TTN: variants seen among roughly 807,000 people sequenced by gnomAD.
TTN encodes connectin.
Under a neutral mutation model 3,223.0 loss-of-function variants are expected in TTN, and 1,525 were observed. The observed-to-expected ratio is 0.47, with a 90% CI of 0.45 to 0.49. The LOEUF is 0.49. Among genes scored for constraint, TTN ranks in the 20% least tolerant of loss-of-function variants. The pLI, the probability that TTN is intolerant of heterozygous loss-of-function variation, is 0.00. For missense variants in TTN, 40,786 were observed against 43,424.0 expected, an observed-to-expected ratio of 0.94 and a Z score of 5.40; for synonymous variants, 14,094 against 15,161.0, an observed-to-expected ratio of 0.93 and a Z score of 5.17.
In TTN at chr2:178,572,822, A is replaced by T; in HGVS notation, c.73310T>A (p.Val24437Asp). 1.2e-6 allele frequency: 2 copies of T among 1,613,440 alleles called. No homozygotes were observed. Among genetic ancestry groups the T allele is most frequent in the Non-Finnish European group, 1.7e-6 (2 of 1,179,584 alleles). ...EIELDADLRK[V>D]VTIRACCTLR... ...GGTGCAGCAGGCCCTTATAGTAACA[A>T]CTTTGCGCAGGTCAGCATCCAGTTC... Residue 24437 changes from valine (V) to aspartate (D), a missense_variant, in exon 326 of 363, where the codon GTT (valine) becomes GAT (aspartate). Val to Asp is a radical substitution (Grantham distance 152). Transcript: ENST00000589042.
At position 178,535,696 on chromosome 2, in the gene TTN, C is replaced by A. The variant is rs767492660; in HGVS notation, c.100919G>T (p.Gly33640Val). The part of the protein sequence containing the change: ...QKGQDLIDNN[G>V]HYQVIVTRSF... ...TCTTGTGACAATAACTTGGTAGTGGCCATTATTGTCAATGAGATCTTGTCC... is the reference window on the plus strand; with the variant it reads ...TCTTGTGACAATAACTTGGTAGTGGACATTATTGTCAATGAGATCTTGTCC... Residue 33640 changes from glycine to valine, a missense_variant, in exon 358 of 363, where the codon GGC becomes GTC. Gly to Val is a moderately radical substitution (Grantham distance 109). Coordinates refer to ENST00000589042, the MANE Select transcript of TTN (RefSeq NM_001267550.2). 1.2e-6 allele frequency: 2 copies of A among 1,613,702 alleles called. No individual in the cohort carries two copies. The highest frequency in any genetic ancestry group is 1.7e-5 in the Admixed American group (1 of 60,004).
chr2:178,633,351 ATG>A, intron 232 of TTN, 25 bp from the exon 233 acceptor site: 1 of 1,612,930 alleles, frequency 6.2e-7, no homozygotes, highest in Non-Finnish European at 8.5e-7. Flanking sequence ...TTTTGTTAGC[ATG>A]ACTGAACTAA....
chr2:178,559,060 TAC>T (rs1036788586), intron 326 of TTN: 16 of 338,800 alleles, frequency 4.7e-5, no homozygotes, highest in Middle Eastern at 8.5e-4. Context: ...TACATATATA[TAC>T]AGTTAGATTC....
chr2:178,616,578 T>G lies in TTN; in HGVS notation c.48213A>C (p.Ser16071=), dbSNP rs763351197. 1.2e-5 allele frequency: 19 copies of G among 1,612,310 alleles called. No individual in the cohort carries two copies. The East Asian group carries it at 3.4e-4, about 28-fold the overall frequency. The part of the protein sequence containing the change: ...ELKFGDITKD[S]VHLTWEPPDD... The stretch of plus-strand genomic sequence containing the variant: ...CAGGTGGTTCCCAAGTCAAATGTAC[T>G]GAGTCCTTGGTTATATCACCAAATT... The change falls in exon 257 of 363, where the codon TCA becomes TCC. Residue 16071 remains serine (S), a synonymous_variant. Transcript: ENST00000589042.
At chr2:178,737,586 C>T (rs894545842) in intron 49 of TTN, 1 of 152,620 alleles carries the variant, frequency 6.6e-6, no homozygotes, top group African/African-American at 2.4e-5. Context: ...AAGCGTGAGC[C>T]ACCGTGCCCA....
chr2:178,593,205 G>T lies in TTN; in HGVS notation c.59003C>A (p.Pro19668Gln), dbSNP rs794729465. ...NEIGIGDPSP[P>Q]SKPVFAKDPI... ...ATCTTTAGCAAAGACTGGTTTGGATGGTGGGCTTGGATCTCCAATACCAAT... is the reference window on the plus strand; with the variant it reads ...ATCTTTAGCAAAGACTGGTTTGGATTGTGGGCTTGGATCTCCAATACCAAT... Residue 19668 changes from proline to glutamine, a missense_variant, in exon 299 of 363, where the codon CCA becomes CAA. Coordinates refer to ENST00000589042, the MANE Select transcript of TTN (RefSeq NM_001267550.2). The T allele has an allele frequency of 2.5e-6, 4 of 1,613,376 alleles. No individual in the cohort carries two copies. The South Asian group carries it at 3.3e-5, about 13-fold the overall frequency.
Position 178,669,403 on chromosome 2 carries a change from T to C in TTN, c.35515A>G (p.Ile11839Val), listed in dbSNP as rs753876085. The C allele has an allele frequency of 3.3e-6, 5 of 1,521,200 alleles. No individual in the cohort carries two copies. In the Admixed American group the frequency reaches 7.0e-5, roughly 21 times the overall value. 94.2% of individuals were successfully genotyped at this position (1,521,200 alleles called of 1,614,324 possible). A position where few individuals can be genotyped will look rare whatever the true frequency, so the allele number is the denominator to read the frequency against. The change falls in exon 159 of 363, where the codon ATT (isoleucine) becomes GTT (valine). Residue 11839 changes from isoleucine (I) to valine (V), a missense_variant. Ile to Val is a conservative substitution (Grantham distance 29, BLOSUM62 3). Coordinates refer to ENST00000589042, the MANE Select transcript of TTN (RefSeq NM_001267550.2). ...ATCTCTGTGTCTTCAGAAATAACAATAGGTGATTTTTCTTCTTGAACACTT... is the reference window on the plus strand; with the variant it reads ...ATCTCTGTGTCTTCAGAAATAACAACAGGTGATTTTTCTTCTTGAACACTT... ...KKSVQEEKSP[I>V]VISEDTEMYI...
In TTN at chr2:178,756,737, G is replaced by T. The variant is rs1381660824; in HGVS notation, c.10739C>A (p.Ala3580Glu). The change falls in exon 46 of 363, where the codon GCA becomes GAA. Residue 3580 changes from alanine to glutamate, a missense_variant. Physicochemically the swap from Ala to Glu is moderately radical, Grantham distance 107 (BLOSUM62 -1). Coordinates refer to ENST00000589042, the MANE Select transcript of TTN (RefSeq NM_001267550.2). Reference sequence around the variant, plus strand: ...CTTTGTGAAAGAGGAATCTGCCACTGCCTGGGACTTGGTGGACTCTCTTAC... The same window carrying T: ...CTTTGTGAAAGAGGAATCTGCCACTTCCTGGGACTTGGTGGACTCTCTTAC... ...KDVRESTKSQ[A>E]VADSSFTKEE... 1 of 1,613,828 alleles carries T rather than the reference G, an allele frequency of 6.2e-7. No individual in the cohort carries two copies. Among genetic ancestry groups the T allele is most frequent in the Non-Finnish European group, 8.5e-7 (1 of 1,179,806 alleles).
At chr2:178,538,410 T>C in intron 354 of TTN, 130 bp downstream of exon 354, 1 of 832,400 alleles carries the variant, frequency 1.2e-6, no homozygotes, top group South Asian at 2.1e-5. Flanking sequence ...TTCCTGTGTG[T>C]GTACTTGCTT....
chr2:178,793,990 T>C (rs1230048350), intron 8 of TTN, among the ~76,000 whole-genome samples: 1 of 152,152 alleles, frequency 6.6e-6, no homozygotes, highest in Non-Finnish European at 1.5e-5. Flanking sequence ...TTGAGAAAAG[T>C]AAAAACAAAA....
intron 47 of TTN, chr2:178,749,755 T>A: frequency 6.2e-7 from 1 of 1,612,948 alleles, no homozygotes; most frequent in Non-Finnish European, 8.5e-7. Context: ...TAATATATAA[T>A]TGGTGGCTAC....
chr2:178,634,458 A>T lies in TTN; in HGVS notation c.42323T>A (p.Ile14108Asn). The change falls in exon 230 of 363, where the codon ATT becomes AAT. Residue 14108 changes from isoleucine to asparagine, a missense_variant. Transcript: ENST00000589042. The surrounding 1 kb of genome is among the most constrained non-coding windows in gnomAD (Gnocchi z 4.6). ...AAATTGAGAATCATTAATAACAAGA[A>T]TATGTTTCTTTCCATCAGCGATGAT... ...FDIIADGKKHILVINDSQFDD... is the reference protein window; with the variant it reads ...FDIIADGKKHNLVINDSQFDD... 6.2e-7 allele frequency: 1 copy of T among 1,613,152 alleles called. No individual in the cohort carries two copies. Among genetic ancestry groups the T allele is most frequent in the Non-Finnish European group, 8.5e-7 (1 of 1,179,464 alleles).
intron 218 of TTN, among the ~76,000 whole-genome samples, chr2:178,644,053 C>G (rs891311876): frequency 6.6e-6 from 1 of 151,816 alleles, no homozygotes; most frequent in Admixed American, 6.6e-5. Flanking sequence ...GTTCCGTACC[C>G]CTCAGAGAAT....
Position 178,621,253 on chromosome 2 carries a change from A to T in TTN, c.45465T>A (p.Asp15155Glu), listed in dbSNP as rs1264511051. The change falls in exon 246 of 363, where the codon GAT (aspartate) becomes GAA (glutamate). Residue 15155 changes from aspartate (D) to glutamate (E), a missense_variant. By Grantham distance (45) the Asp-to-Glu change is conservative. Transcript: ENST00000589042. ...TATCTCCAGATTCAAGTGTCTTATC[A>T]TCCCTCTTCCACTGGACTGGAAAGC... ...KESFPVQWKR[D>E]DKTLESGDKY... 2 of 1,612,234 alleles carry T rather than the reference A, an allele frequency of 1.2e-6. No individual in the cohort carries two copies. Among genetic ancestry groups the T allele is most frequent in the African/African-American group, 2.7e-5 (2 of 74,806 alleles).
rs765435004 is a variant in TTN, at chr2:178,534,341, G to A, written c.102274C>T (p.Arg34092Cys). ...TTCTTGATCAGGGTGTGGTAATAAC[G>A]CCGGTGTTTTAATGTTCTGATAACT... ...TKVIRTLKHRRYYHTLIKKDL... is the reference protein window; with the variant it reads ...TKVIRTLKHRCYYHTLIKKDL... Residue 34092 changes from arginine to cysteine, a missense_variant, in exon 358 of 363, where the codon CGT becomes TGT. Arg to Cys is a radical substitution (Grantham distance 180). Transcript: ENST00000589042. The A allele has an allele frequency of 6.8e-6, 11 of 1,612,458 alleles. No individual in the cohort carries two copies. In the East Asian group the frequency reaches 1.1e-4, roughly 16 times the overall value.
At chr2:178,640,969 T>C (rs954834614) in intron 220 of TTN, among the ~76,000 whole-genome samples, 1 of 151,920 alleles carries the variant, frequency 6.6e-6, no homozygotes, top group East Asian at 1.9e-4. Flanking sequence ...CTCCCATGAA[T>C]AGCCACTTGA....
intron 48 of TTN, 22 bp from the exon 49 acceptor site, chr2:178,738,382 A>G (rs761470395): frequency 8.8e-6 from 14 of 1,593,670 alleles, no homozygotes; most frequent in South Asian, 1.1e-5. Flanking sequence ...AGTAGAGTCC[A>G]TTAACATGCC....
In TTN at chr2:178,578,202, G is replaced by A; in HGVS notation, c.68330-17C>T. The A allele has an allele frequency of 6.2e-7, 1 of 1,602,002 alleles. No individual in the cohort carries two copies. Among genetic ancestry groups the A allele is most frequent in the Non-Finnish European group, 8.5e-7 (1 of 1,176,676 alleles). On this transcript the variant is annotated splice_polypyrimidine_tract_variant and intron_variant, in intron 321 of 362. Coordinates refer to ENST00000589042, the MANE Select transcript of TTN (RefSeq NM_001267550.2). ...GATGATACCCTACAAAAGACCCAGG[G>A]ATGTATCAAGTATAAATGCAGCTTG...
Position 178,543,973 on chromosome 2 carries a change from G to A in TTN, c.96171C>T (p.Ser32057=). ...TCTCAGTGGTGTCAATAATTGCCCG[G>A]CTTGCAAGGTCAATGCCCTGCTTGC... ...TWSKQGIDLA[S]RAIIDTTESY... Residue 32057 remains serine, a synonymous_variant, in exon 346 of 363, where the codon AGC becomes AGT. Transcript: ENST00000589042. 6.2e-7 allele frequency: 1 copy of A among 1,613,630 alleles called. No homozygotes were observed. Among genetic ancestry groups the A allele is most frequent in the African/African-American group, 1.3e-5 (1 of 74,966 alleles).
Sources: gnomAD v4.1 joint callset for allele counts (sites outside exome capture counted in the v4.1 genomes callset) on GRCh38, gnomAD v4.1.1 for gene constraint, Gnocchi (gnomAD v3.1) non-coding constraint, MANE v1.5 for transcripts, NCBI Gene and HGNC (gene_info 2026-07-23, HGNC 2026-07-21) for gene names.